The following GRB10 variants were observed in gnomAD, a reference collection of about 807,000 sequenced individuals.
GRB10 encodes growth factor receptor-bound protein 10.
In GRB10, 20 loss-of-function variants were observed where a neutral mutation model predicts 80.9. The ratio of observed to expected loss-of-function variants is 0.25; its 90% confidence interval spans 0.17 to 0.36. The LOEUF is 0.36. Among genes scored for constraint, GRB10 ranks in the 10% least tolerant of loss-of-function variants. The pLI is 1.00. For synonymous variants in GRB10, 291 were observed against 291.5 expected (o/e 1.00, Z 0.02); for missense variants, 548 against 747.7 (o/e 0.73, Z 3.12).
chr7:50,650,678 T>C (rs1459520748), intron 7 of GRB10, among the ~76,000 whole-genome samples: 2 of 152,106 alleles, frequency 1.3e-5, no homozygotes, highest in African/African-American at 2.4e-5. Flanking sequence ...TGATGGGGAA[T>C]GGATAAAACA....
intron 13 of GRB10, among the ~76,000 whole-genome samples, chr7:50,610,384 C>T (rs1162775831): frequency 6.6e-6 from 1 of 152,266 alleles, no homozygotes; most frequent in African/African-American, 2.4e-5. Context: ...CCATCACTGC[C>T]ACCTTCCTGT....
chr7:50,676,992 G>C (rs193221470), intron 5 of GRB10, among the ~76,000 whole-genome samples: 13 of 152,284 alleles, frequency 8.5e-5, no homozygotes, highest in African/African-American at 2.9e-4. Flanking sequence ...TTCAAACCAG[G>C]GCCAGGGGAG....
At chr7:50,619,426 T>G in intron 8 of GRB10, 141 bp from the exon 9 acceptor site, 1 of 694,276 alleles carries the variant, frequency 1.4e-6, no homozygotes, top group South Asian at 1.5e-5. Context: ...GAAACTAAAT[T>G]TAAATCTCTC....
chr7:50,604,219 A>T, intron 16 of GRB10, 92 bp downstream of exon 16: 1 of 1,321,254 alleles, frequency 7.6e-7, no homozygotes, highest in Admixed American at 1.7e-5. Context: ...CACTCTGGCC[A>T]CAGGCAAATT....
chr7:50,592,067 C>T lies in GRB10; in HGVS notation c.*885G>A, dbSNP rs1241454909. 3.3e-5 allele frequency: 5 copies of T among 152,216 alleles called. No homozygotes were observed. In the South Asian group the frequency reaches 6.2e-4, roughly 19 times the overall value. The allele number at this position is 152,216 out of a possible 1,614,324, so 9.4% of individuals were successfully genotyped here. On this transcript the variant is annotated 3_prime_UTR_variant, in exon 19 of 19. Transcript: ENST00000401949. ...CCCAGGTGGATTATGCAGCATCCACCGCTGGCCGATGACGGGTGCCAGGTG... is the reference window on the plus strand; with the variant it reads ...CCCAGGTGGATTATGCAGCATCCACTGCTGGCCGATGACGGGTGCCAGGTG...
intron 4 of GRB10, chr7:50,705,301 G>A (rs981349700): frequency 6.4e-5 from 63 of 985,614 alleles, no homozygotes; most frequent in South Asian, 5.6e-4. Context: ...GCAAAGTTGC[G>A]TTCACACCTT....
At chr7:50,672,837 C>T (rs1244925080) in intron 6 of GRB10, among the ~76,000 whole-genome samples, 1 of 152,232 alleles carries the variant, frequency 6.6e-6, no homozygotes, top group African/African-American at 2.4e-5. Context: ...AAAAACAGCT[C>T]TCCCACCAGA....
intron 17 of GRB10, among the ~76,000 whole-genome samples, chr7:50,600,190 C>A (rs1352327641): frequency 1.3e-5 from 2 of 152,156 alleles, no homozygotes; most frequent in Non-Finnish European, 2.9e-5. Context: ...CAGGTATACA[C>A]TGTATTAGAA....
intron 7 of GRB10, among the ~76,000 whole-genome samples, chr7:50,663,701 A>G (rs753274326): frequency 6.6e-6 from 1 of 152,232 alleles, no homozygotes; most frequent in Non-Finnish European, 1.5e-5. Flanking sequence ...TTGTAGCTGC[A>G]TGTGCAGACA....
intron 7 of GRB10, among the ~76,000 whole-genome samples, chr7:50,661,883 G>C (rs987083268): frequency 1.3e-5 from 2 of 152,210 alleles, no homozygotes; most frequent in African/African-American, 4.8e-5. Context: ...TGTGGAGAGA[G>C]GACAAGTGCC....
chr7:50,684,170 C>T (rs2061843352), intron 5 of GRB10, among the ~76,000 whole-genome samples: 1 of 150,952 alleles, frequency 6.6e-6, no homozygotes, highest in African/African-American at 2.4e-5. Context: ...TCACCCATTT[C>T]CCCAGGACAA....
At chr7:50,709,854 G>A (rs2065625667) in intron 4 of GRB10, among the ~76,000 whole-genome samples, 1 of 152,068 alleles carries the variant, frequency 6.6e-6, no homozygotes, top group African/African-American at 2.4e-5. Context: ...TGCTAAGTCA[G>A]GCCCATGATG....
chr7:50,671,541 T>C (rs906078718), intron 6 of GRB10, among the ~76,000 whole-genome samples: 1 of 152,246 alleles, frequency 6.6e-6, no homozygotes, highest in Non-Finnish European at 1.5e-5. Flanking sequence ...AGGAAAGCCG[T>C]TCCTATAATG....
intron 4 of GRB10, chr7:50,705,412 GCTTT>G (rs2064899684): frequency 4.4e-6 from 2 of 453,182 alleles, no homozygotes; most frequent in Non-Finnish European, 5.8e-6. Context: ...AAAAGAAATA[GCTTT>G]CTTTTCATTT....
chr7:50,666,747 GGAGA>G (rs931590706), intron 7 of GRB10, among the ~76,000 whole-genome samples: 10 of 152,208 alleles, frequency 6.6e-5, no homozygotes, highest in Middle Eastern at 3.4e-3. Flanking sequence ...CACTTAAAAA[GGAGA>G]GAGGCAGGGC....
chr7:50,782,859 C>T lies in GRB10; in HGVS notation c.-762G>A, dbSNP rs1170734224. The T allele has an allele frequency of 3.3e-5, 5 of 152,162 alleles. No homozygotes were observed. Among genetic ancestry groups the T allele is most frequent in the Non-Finnish European group, 5.9e-5 (4 of 68,022 alleles). The allele number at this position is 152,162 out of a possible 1,614,324, so 9.4% of individuals were successfully genotyped here. ...GCGCTCCTGAGGAGCGGGAGGACGACGGAGCAGCGCCCGGTCCTGGAGCAC... is the reference window on the plus strand; with the variant it reads ...GCGCTCCTGAGGAGCGGGAGGACGATGGAGCAGCGCCCGGTCCTGGAGCAC... On this transcript the variant is annotated 5_prime_UTR_variant, in exon 1 of 19. Transcript: ENST00000401949. The surrounding 1 kb of genome is among the most constrained non-coding windows in gnomAD (Gnocchi z 6.6).
chr7:50,624,316 AAAG>A (rs1212200483), intron 8 of GRB10, among the ~76,000 whole-genome samples: 1 of 152,236 alleles, frequency 6.6e-6, no homozygotes, highest in Non-Finnish European at 1.5e-5. Context: ...CATCCATGAT[AAAG>A]AAGAAGCCCC....
At chr7:50,671,802 TAA>T (rs2060381260) in intron 6 of GRB10, among the ~76,000 whole-genome samples, 1 of 152,268 alleles carries the variant, frequency 6.6e-6, no homozygotes. Flanking sequence ...TTGAGCATTT[TAA>T]AAAGTCCTGT....
intron 3 of GRB10, among the ~76,000 whole-genome samples, chr7:50,734,889 CA>C (rs1197050519): frequency 6.6e-6 from 1 of 152,192 alleles, no homozygotes; most frequent in African/African-American, 2.4e-5. Context: ...CCCCTGAGAT[CA>C]GGAACAAGAC....
Sources: gnomAD v4.1 joint callset for allele counts (sites outside exome capture counted in the v4.1 genomes callset) on GRCh38, gnomAD v4.1.1 for gene constraint, Gnocchi (gnomAD v3.1) non-coding constraint, MANE v1.5 for transcripts, NCBI Gene and HGNC (gene_info 2026-07-23, HGNC 2026-07-21) for gene names.